The following ANO1 variants were observed in gnomAD, a reference collection of about 807,000 sequenced individuals.
ANO1 encodes the protein anoctamin-1.
In ANO1, 59 loss-of-function variants were observed where a neutral mutation model predicts 124.0. That is an observed-to-expected ratio of 0.48 (90% CI 0.39 to 0.59). The LOEUF is 0.59. Ranked by LOEUF, ANO1 falls within the 20% of genes least tolerant of loss-of-function variation. ANO1 has a pLI of 0.00. For missense variants in ANO1, 1,059 were observed against 1,328.0 expected (o/e 0.80, Z 3.15); for synonymous variants, 529 against 532.0 (o/e 0.99, Z 0.08).
At chr11:70,128,657 C>T (rs1000345399) in intron 10 of ANO1, among the ~76,000 whole-genome samples, 8 of 152,350 alleles carry the variant, frequency 5.3e-5, no homozygotes, top group South Asian at 2.1e-4. Context: ...CTGCAGCTTC[C>T]GCCCCATCCC....
At chr11:70,025,719 A>ATGC (rs1856885717) in intron 1 of ANO1, among the ~76,000 whole-genome samples, 1 of 128,468 alleles carries the variant, frequency 7.8e-6, no homozygotes. Context: ...GGTGATGATG[A>ATGC]TGGTGGTGGT....
chr11:70,048,704 C>A lies in ANO1; in HGVS notation c.59-29838C>A, dbSNP rs372289770. On this transcript the variant is annotated intron_variant, in intron 1 of 27. Coordinates refer to the ANO1 transcript ENST00000531349. ...CCTCTCCCCACTCTTCTCCACCCCC[C>A]ACCGCTGACCACCCCCCAGCCCTGG... 4.7e-5 allele frequency among the ~76,000 whole-genome samples: 7 copies of A among 150,412 alleles called. No individual in the cohort carries two copies. In the East Asian group the frequency reaches 1.2e-3, roughly 25 times the overall value.
At chr11:70,010,364 G>A (rs1856580091) in intron 1 of ANO1, among the ~76,000 whole-genome samples, 1 of 151,212 alleles carries the variant, frequency 6.6e-6, no homozygotes, top group Admixed American at 6.6e-5. Flanking sequence ...ACCCAGTACT[G>A]GCTCTTTTTA....
At chr11:70,106,345 A>C (rs1230096762) in intron 5 of ANO1, among the ~76,000 whole-genome samples, 2 of 152,256 alleles carry the variant, frequency 1.3e-5, no homozygotes, top group Non-Finnish European at 2.9e-5. Context: ...TGCATGGCTC[A>C]GGACCCAACT....
intron 9 of ANO1, among the ~76,000 whole-genome samples, 200 bp from the exon 10 acceptor site, chr11:70,125,859 AAG>A (rs1400997966): frequency 1.3e-5 from 2 of 150,964 alleles, no homozygotes; most frequent in East Asian, 1.9e-4. Flanking sequence ...AAAACAAAAA[AAG>A]AGAGAAGAGG....
At chr11:70,147,121 C>T (rs959611717) in intron 11 of ANO1, among the ~76,000 whole-genome samples, 6 of 152,170 alleles carry the variant, frequency 3.9e-5, no homozygotes, top group South Asian at 2.1e-4. Flanking sequence ...GCAGCCCTCC[C>T]GGGCAGTGCT....
chr11:70,095,346 AAAAGAAAGAAAGAAAGAAAGAAAGAAAG>A (rs540551294), intron 2 of ANO1, among the ~76,000 whole-genome samples: 27 of 104,606 alleles, frequency 2.6e-4, no homozygotes, highest in East Asian at 1.2e-3. Context: ...AAGAGAAAGA[AAAAGAAAGAAAGAAAGAAAGAAAGAAAG>A]AAAGAAAGAA....
At chr11:70,017,575 G>C (rs891473932) in intron 1 of ANO1, among the ~76,000 whole-genome samples, 1 of 148,558 alleles carries the variant, frequency 6.7e-6, no homozygotes, top group Admixed American at 6.8e-5. Flanking sequence ...GAGTACAGTG[G>C]CATGGTCATG....
chr11:70,097,189 G>T (rs1426819896), intron 2 of ANO1, among the ~76,000 whole-genome samples: 2 of 152,180 alleles, frequency 1.3e-5, no homozygotes, highest in Non-Finnish European at 2.9e-5. Flanking sequence ...CATGGCAAGG[G>T]CTGGGATTAA....
chr11:70,152,770 G>A (rs1429728868), intron 13 of ANO1, among the ~76,000 whole-genome samples: 1 of 152,242 alleles, frequency 6.6e-6, no homozygotes, highest in Non-Finnish European at 1.5e-5. Context: ...TCATGGCTGG[G>A]TGTTCACTGC....
intron 14 of ANO1, among the ~76,000 whole-genome samples, chr11:70,153,836 G>T (rs563489991): frequency 6.6e-6 from 1 of 152,012 alleles, no homozygotes; most frequent in Admixed American, 6.6e-5. Context: ...CATGATCTCG[G>T]CTCACTGCAA....
At chr11:70,096,990 G>A (rs1023757200) in intron 2 of ANO1, among the ~76,000 whole-genome samples, 8 of 152,144 alleles carry the variant, frequency 5.3e-5, no homozygotes, top group African/African-American at 1.2e-4. Context: ...GTTGGGGACC[G>A]CTGTTTCAGG....
chr11:69,987,581 G>T (rs541522053), intron 1 of ANO1, among the ~76,000 whole-genome samples: 3 of 137,914 alleles, frequency 2.2e-5, no homozygotes, highest in Non-Finnish European at 4.5e-5. Context: ...CTCCAGCCTG[G>T]GTAACAGAGC....
the ANO1 span, among the ~76,000 whole-genome samples, chr11:69,978,148 C>T: frequency 4.6e-5 from 7 of 152,284 alleles, no homozygotes; most frequent in South Asian, 2.1e-4. Flanking sequence ...AAAGAACCCA[C>T]GTAACTCTGA....
intron 12 of ANO1, chr11:70,150,042 C>T: frequency 3.3e-6 from 2 of 606,838 alleles, no homozygotes; most frequent in African/African-American, 1.8e-5. Flanking sequence ...CTCACATGGA[C>T]ACCCAGCCAC....
the ANO1 span, among the ~76,000 whole-genome samples, chr11:69,973,211 G>A: frequency 6.6e-6 from 1 of 152,020 alleles, no homozygotes; most frequent in Non-Finnish European, 1.5e-5. Context: ...GCCCAGCTCT[G>A]GCATCTCACT....
intron 5 of ANO1, among the ~76,000 whole-genome samples, chr11:70,107,838 C>A (rs1330293500): frequency 2.6e-5 from 4 of 152,146 alleles, no homozygotes; most frequent in Non-Finnish European, 5.9e-5. Flanking sequence ...ACCAGGAACC[C>A]AGAGCCCGAT....
chr11:69,985,865 G>A (rs1212417409), upstream of ANO1: 1 of 152,176 alleles, frequency 6.6e-6, no homozygotes, highest in East Asian at 1.9e-4. Flanking sequence ...GTCTGCCCGG[G>A]ACCCCCAGAC....
At chr11:70,080,607 A>G (rs934873145) in intron 1 of ANO1, among the ~76,000 whole-genome samples, 2 of 152,218 alleles carry the variant, frequency 1.3e-5, no homozygotes, top group Non-Finnish European at 2.9e-5. Flanking sequence ...TTTTTGTTCC[A>G]GGACCCATTG....
Sources: gnomAD v4.1 joint callset for allele counts (sites outside exome capture counted in the v4.1 genomes callset) on GRCh38, gnomAD v4.1.1 for gene constraint, MANE v1.5 for transcripts, NCBI Gene and HGNC (gene_info 2026-07-23, HGNC 2026-07-21) for gene names.